Variants in NR6A1 observed in about 807,000 individuals in gnomAD.
NR6A1 encodes the protein retinoic acid receptor-related testis-associated receptor.
In NR6A1, 7 loss-of-function variants were observed where a neutral mutation model predicts 59.1. That is an observed-to-expected ratio of 0.12 (90% CI 0.07 to 0.22). NR6A1 has a LOEUF of 0.22. Among genes scored for constraint, NR6A1 ranks in the 10% least tolerant of loss-of-function variants. NR6A1 has a pLI of 1.00. For synonymous variants in NR6A1, 243 were observed against 236.1 expected, an observed-to-expected ratio of 1.03 and a Z score of -0.27; for missense variants, 468 against 611.6, an observed-to-expected ratio of 0.77 and a Z score of 2.48.
chr9:124,578,064 C>T (rs568839362), intron 2 of NR6A1, among the ~76,000 whole-genome samples: 1 of 152,254 alleles, frequency 6.6e-6, no homozygotes, highest in African/African-American at 2.4e-5. Flanking sequence ...CCTTGATTTC[C>T]AAGACAATAG....
chr9:124,590,380 G>C (rs1588692399), intron 2 of NR6A1, among the ~76,000 whole-genome samples: 1 of 151,524 alleles, frequency 6.6e-6, no homozygotes, highest in African/African-American at 2.4e-5. Context: ...AACCCTCAAA[G>C]AAATACAGGG....
At chr9:124,770,522 G>A (rs1027637869) in intron 1 of NR6A1, among the ~76,000 whole-genome samples, 1 of 151,286 alleles carries the variant, frequency 6.6e-6, no homozygotes, top group African/African-American at 2.4e-5. Context: ...TCCTCGGTGG[G>A]AGGAGGAACC....
At chr9:124,537,529 T>C (rs1306665574) in intron 6 of NR6A1, among the ~76,000 whole-genome samples, 6 of 152,190 alleles carry the variant, frequency 3.9e-5, no homozygotes, top group South Asian at 2.1e-4. Context: ...TCAAATCGTT[T>C]ATGCTCTAGG....
intron 2 of NR6A1, among the ~76,000 whole-genome samples, chr9:124,594,573 A>G (rs1477561135): frequency 6.6e-6 from 1 of 152,252 alleles, no homozygotes; most frequent in East Asian, 1.9e-4. Context: ...AGTTTAACAA[A>G]GAATTTCTAT....
intron 2 of NR6A1, among the ~76,000 whole-genome samples, chr9:124,695,158 C>T (rs1838704985): frequency 1.3e-5 from 2 of 152,180 alleles, no homozygotes; most frequent in Admixed American, 6.5e-5. Context: ...CACCTGAAAT[C>T]GCCACTATTC....
At chr9:124,724,388 T>C (rs374653372) in intron 2 of NR6A1, among the ~76,000 whole-genome samples, 9 of 149,808 alleles carry the variant, frequency 6.0e-5, no homozygotes, top group African/African-American at 2.2e-4. Flanking sequence ...TTTCTTTTAA[T>C]CAAGCTACAC....
At chr9:124,763,424 T>C (rs1300752620) in intron 1 of NR6A1, among the ~76,000 whole-genome samples, 1 of 152,236 alleles carries the variant, frequency 6.6e-6, no homozygotes, top group Non-Finnish European at 1.5e-5. Context: ...GCATTACGAT[T>C]AAAATATATT....
intron 2 of NR6A1, among the ~76,000 whole-genome samples, chr9:124,620,728 G>T (rs1293490781): frequency 1.3e-5 from 2 of 151,770 alleles, no homozygotes; most frequent in South Asian, 2.1e-4. Context: ...TTGTGGTAAT[G>T]GTTGCAAAAC....
Position 124,551,697 on chromosome 9 carries a change from C to A in NR6A1, c.385+2631G>T, listed in dbSNP as rs148379632. 5.0e-3 allele frequency among the ~76,000 whole-genome samples: 767 copies of A among 152,288 alleles called. 4 individuals are homozygous for A. The highest frequency in any genetic ancestry group is 0.018 in the African/African-American group (734 of 41,564). On this transcript the variant is annotated intron_variant, in intron 3 of 9. Coordinates refer to ENST00000487099, the MANE Select transcript of NR6A1 (RefSeq NM_033334.4). ...AGCTAGATTCATTTGTCATAGTGTG[C>A]ATTCTTTCTCTCTGCCCTTTAACCC...
At chr9:124,722,154 G>A (rs1452353727) in intron 2 of NR6A1, among the ~76,000 whole-genome samples, 1 of 152,180 alleles carries the variant, frequency 6.6e-6, no homozygotes, top group Non-Finnish European at 1.5e-5. Context: ...ACCCAAAGTA[G>A]GGAGGGAGAA....
chr9:124,723,148 A>G (rs1554749770), intron 2 of NR6A1, among the ~76,000 whole-genome samples: 1 of 152,160 alleles, frequency 6.6e-6, no homozygotes, highest in Non-Finnish European at 1.5e-5. Flanking sequence ...TCATTAGAAT[A>G]TACTTTATTT....
chr9:124,691,056 T>C (rs1164210541), intron 2 of NR6A1, among the ~76,000 whole-genome samples: 1 of 152,234 alleles, frequency 6.6e-6, no homozygotes, highest in Non-Finnish European at 1.5e-5. Context: ...AGTCTAAATA[T>C]TTATCCAAAT....
intron 7 of NR6A1, among the ~76,000 whole-genome samples, chr9:124,535,533 G>T (rs141943263): frequency 0.011 from 1,675 of 152,298 alleles, 20 homozygotes; most frequent in Middle Eastern, 0.024. Flanking sequence ...AGCCAAGACT[G>T]CGCCACTACA....
At chr9:124,753,620 T>C (rs1410604871) in intron 1 of NR6A1, among the ~76,000 whole-genome samples, 1 of 152,230 alleles carries the variant, frequency 6.6e-6, no homozygotes, top group Non-Finnish European at 1.5e-5. Context: ...AGAAAAGTTA[T>C]GGAAAGGATT....
intron 2 of NR6A1, among the ~76,000 whole-genome samples, chr9:124,694,254 C>T (rs1178158761): frequency 6.6e-6 from 1 of 152,100 alleles, no homozygotes; most frequent in Non-Finnish European, 1.5e-5. Flanking sequence ...TTTATCCATA[C>T]ATACACAGAT....
chr9:124,548,354 T>C (rs1452749027), intron 3 of NR6A1, among the ~76,000 whole-genome samples: 1 of 152,210 alleles, frequency 6.6e-6, no homozygotes, highest in Non-Finnish European at 1.5e-5. Context: ...CATATGCTCA[T>C]GCCTATAATC....
chr9:124,525,257 C>T (rs1274855467), intron 8 of NR6A1, among the ~76,000 whole-genome samples: 1 of 149,118 alleles, frequency 6.7e-6, no homozygotes, highest in Admixed American at 6.8e-5. Context: ...AGAAACCTTG[C>T]CAATACCTAC....
At chr9:124,715,419 C>T (rs763633577) in intron 2 of NR6A1, among the ~76,000 whole-genome samples, 5 of 151,902 alleles carry the variant, frequency 3.3e-5, no homozygotes, top group Non-Finnish European at 5.9e-5. Context: ...CCTGTAGTCC[C>T]AGCTACTCTG....
intron 3 of NR6A1, among the ~76,000 whole-genome samples, chr9:124,553,237 A>G (rs1444141716): frequency 6.6e-6 from 1 of 152,026 alleles, no homozygotes; most frequent in East Asian, 1.9e-4. Flanking sequence ...TCCACTCTCC[A>G]TGGGAATACC....
Sources: allele counts gnomAD v4.1 joint callset (sites outside exome capture counted in the v4.1 genomes callset), GRCh38; gene constraint gnomAD v4.1.1; transcripts MANE v1.5; gene names NCBI Gene and HGNC (gene_info 2026-07-23, HGNC 2026-07-21).